Variants in ZNF134 observed in about 807,000 individuals in gnomAD.
ZNF134 encodes zinc finger protein 134 (clone pHZ-15).
In ZNF134, 5 loss-of-function variants were observed where a neutral mutation model predicts 2.5. The observed-to-expected ratio is 2.03, with a 90% CI of 1.06 to 4.27. The LOEUF (loss-of-function observed/expected upper bound fraction) is 4.27. Ranked by LOEUF, ZNF134 falls within the 30% of genes most tolerant of loss-of-function variation. ZNF134 has a pLI of 0.00. For synonymous variants in ZNF134, 176 were observed against 176.2 expected, an observed-to-expected ratio of 1.00 and a Z score of 0.01; for missense variants, 540 against 517.5, an observed-to-expected ratio of 1.04 and a Z score of -0.42.
Position 57,621,876 on chromosome 19 carries a change from C to A in ZNF134, c.*473C>A. ...TCACCTGGCCTGGGAAAGTACTTGCCTCATGTTGCTCTGGTTTGTGATAAT... is the reference window on the plus strand; with the variant it reads ...TCACCTGGCCTGGGAAAGTACTTGCATCATGTTGCTCTGGTTTGTGATAAT... On this transcript the variant is annotated 3_prime_UTR_variant, in exon 3 of 3. Coordinates refer to ENST00000396161, the MANE Select transcript of ZNF134 (RefSeq NM_003435.5). The A allele has an allele frequency of 7.1e-6, 2 of 281,328 alleles. No homozygotes were observed. Among genetic ancestry groups the A allele is most frequent in the South Asian group, 7.6e-5 (2 of 26,266 alleles). 17.4% of individuals were successfully genotyped at this position (281,328 alleles called of 1,614,324 possible).
chr19:57,620,982 A>T lies in ZNF134; in HGVS notation c.863A>T (p.Tyr288Phe). The T allele has an allele frequency of 6.2e-7, 1 of 1,614,260 alleles. No individual in the cohort carries two copies. Among genetic ancestry groups the T allele is most frequent in the Non-Finnish European group, 8.5e-7 (1 of 1,180,052 alleles). Reference sequence around the variant, plus strand: ...AGAGTTCACAATGGAGCAAGGCCTTATAAGTGCAGTGATTGTGGGAAAGTC... The same window carrying T: ...AGAGTTCACAATGGAGCAAGGCCTTTTAAGTGCAGTGATTGTGGGAAAGTC... ...HQRVHNGARP[Y>F]KCSDCGKVFR... is the part of the protein sequence containing the mutation. Residue 288 changes from tyrosine (Y) to phenylalanine (F), a missense_variant, in exon 3 of 3, where the codon TAT becomes TTT. By Grantham distance (22) the Tyr-to-Phe change is conservative. Transcript: ENST00000396161.
At chr19:57,615,662 CA>C (rs1158556015) in intron 1 of ZNF134, among the ~76,000 whole-genome samples, 20 of 152,200 alleles carry the variant, frequency 1.3e-4, no homozygotes, top group Non-Finnish European at 1.5e-5. Flanking sequence ...GTCACTCCCC[CA>C]TGGGCTGGGG....
chr19:57,621,051 C>T lies in ZNF134; in HGVS notation c.932C>T (p.Thr311Ile). 1.2e-6 allele frequency: 2 copies of T among 1,614,196 alleles called. No individual in the cohort carries two copies. The highest frequency in any genetic ancestry group is 1.7e-6 in the Non-Finnish European group (2 of 1,180,026). The change falls in exon 3 of 3, where the codon ACT becomes ATT. Residue 311 changes from threonine (T) to isoleucine (I), a missense_variant. Coordinates refer to ENST00000396161, the MANE Select transcript of ZNF134 (RefSeq NM_003435.5). ...CTTGTTCAGCATGAGAGTATTCACA[C>T]TGGAGAAAATCCTTATGATTGCAGT... is the stretch of plus-strand genomic sequence containing the variant. ...STLVQHESIHTGENPYDCSDC... is the reference protein window; with the variant it reads ...STLVQHESIHIGENPYDCSDC...
At position 57,622,448 on chromosome 19, in the gene ZNF134, C is replaced by G. The variant is rs1419986443; in HGVS notation, c.*1045C>G. The G allele has an allele frequency of 2.6e-5, 4 of 152,044 alleles. No individual in the cohort carries two copies. The highest frequency in any genetic ancestry group is 9.7e-5 in the African/African-American group (4 of 41,342). 9.4% of individuals were successfully genotyped at this position (152,044 alleles called of 1,614,324 possible). A position where few individuals can be genotyped will look rare whatever the true frequency, so the allele number is the denominator to read the frequency against. The stretch of plus-strand genomic sequence containing the variant: ...TTGTGGCAAACTAGAGGGGAAGTGC[C>G]CATTGTAAAAACACATCCACAGACA... On this transcript the variant is annotated 3_prime_UTR_variant, in exon 3 of 3. Transcript: ENST00000396161.
rs1330217720 is a variant in ZNF134 at position 57,623,271 on chromosome 19, G to T, written c.*1868G>T. ...TTTTAAAATTACTGAGTCATATTCT[G>T]TATGGATATACCACAGTTTATCCAT... On this transcript the variant is annotated 3_prime_UTR_variant, in exon 3 of 3. Transcript: ENST00000396161. 6.6e-6 allele frequency: 1 copy of T among 152,094 alleles called. No homozygotes were observed. The allele number at this position is 152,094 out of a possible 1,614,324, so 9.4% of individuals were successfully genotyped here. A position where few individuals can be genotyped will look rare whatever the true frequency, so the allele number is the denominator to read the frequency against.
chr19:57,615,053 A>T (rs566726742), intron 1 of ZNF134, among the ~76,000 whole-genome samples: 7 of 152,146 alleles, frequency 4.6e-5, no homozygotes, highest in African/African-American at 1.7e-4. Flanking sequence ...TGTGGTCGTG[A>T]GTGAATGTAG....
chr19:57,617,456 A>AT (rs1218886981), intron 1 of ZNF134, among the ~76,000 whole-genome samples: 2 of 152,176 alleles, frequency 1.3e-5, no homozygotes, highest in Admixed American at 6.5e-5. Context: ...AAGACCCTGG[A>AT]TTTTTTAGTC....
intron 1 of ZNF134, 66 bp from the exon 2 acceptor site, chr19:57,619,346 G>C (rs573503545): frequency 7.9e-7 from 1 of 1,258,928 alleles, no homozygotes; most frequent in South Asian, 1.3e-5. Flanking sequence ...AATTTTGCAT[G>C]GGTGGGCTAC....
Position 57,621,356 on chromosome 19 carries a change from T to G in ZNF134, c.1237T>G (p.Ser413Ala). ...ATGTGGGAAGGCCTACAGCTTAAGC[T>G]CCCACCTCAATCGGCACCAGAAAGT... ...SECGKAYSLS[S>A]HLNRHQKVHT... The change falls in exon 3 of 3, where the codon TCC (serine) becomes GCC (alanine). Residue 413 changes from serine (S) to alanine (A), a missense_variant. Ser to Ala is a moderately conservative substitution (Grantham distance 99). Transcript: ENST00000396161. 1.2e-6 allele frequency: 2 copies of G among 1,613,956 alleles called. No homozygotes were observed. The highest frequency in any genetic ancestry group is 1.7e-6 in the Non-Finnish European group (2 of 1,180,004).
chr19:57,620,091 A>G, intron 2 of ZNF134, 69 bp from the exon 3 acceptor site: 12 of 1,548,768 alleles, frequency 7.7e-6, no homozygotes, highest in South Asian at 1.2e-5. Flanking sequence ...CAGCAGACAC[A>G]TATTTGTGAT....
chr19:57,615,516 A>G (rs905347924), intron 1 of ZNF134, among the ~76,000 whole-genome samples: 4 of 151,964 alleles, frequency 2.6e-5, no homozygotes, highest in African/African-American at 9.7e-5. Flanking sequence ...ACCAGCACTC[A>G]GGCAAAAGTT....
chr19:57,617,645 C>T (rs1568629620), intron 1 of ZNF134, among the ~76,000 whole-genome samples: 1 of 152,092 alleles, frequency 6.6e-6, no homozygotes, highest in Non-Finnish European at 1.5e-5. Flanking sequence ...AGAAGGGATT[C>T]AGGTTGGAGC....
chr19:57,619,414 C>T lies in ZNF134; in HGVS notation c.-55C>T. Reference sequence around the variant, plus strand: ...CCCCTATGCTTTGTATCTTCCAGATCCTCTGTGGTTGTTGAATTGTAACAA... The same window carrying T: ...CCCCTATGCTTTGTATCTTCCAGATTCTCTGTGGTTGTTGAATTGTAACAA... On this transcript the variant is annotated splice_region_variant and 5_prime_UTR_variant, in exon 2 of 3. Transcript: ENST00000396161. 6.4e-7 allele frequency: 1 copy of T among 1,570,308 alleles called. No individual in the cohort carries two copies. Among genetic ancestry groups the T allele is most frequent in the Non-Finnish European group, 8.7e-7 (1 of 1,155,804 alleles).
chr19:57,620,541 T>TC lies in ZNF134; in HGVS notation c.424dup (p.Gln142ProfsTer15). 1 of 1,614,142 alleles carries TC rather than the reference T, an allele frequency of 6.2e-7. No individual in the cohort carries two copies. Among genetic ancestry groups the TC allele is most frequent in the Non-Finnish European group, 8.5e-7 (1 of 1,180,034 alleles). ...ACGTGTAAGGAGGAGCAGAAAAACT[T>TC]CCAGGCTACTTTGGGTGGCTGCCAA... On this transcript the variant is annotated frameshift_variant, in exon 3 of 3. Transcript: ENST00000396161. LOFTEE classifies it low-confidence loss of function (END_TRUNC).
At chr19:57,619,561 C>T (rs773013040) in intron 2 of ZNF134, 53 bp downstream of exon 2, 90 of 1,537,042 alleles carry the variant, frequency 5.9e-5, no homozygotes, top group Admixed American at 8.5e-5. Context: ...CCTGTAGTTC[C>T]GGAAACCTAT....
intron 1 of ZNF134, among the ~76,000 whole-genome samples, chr19:57,615,669 T>C (rs1981032677): frequency 6.6e-6 from 1 of 152,188 alleles, no homozygotes; most frequent in Admixed American, 6.5e-5. Flanking sequence ...CCCCATGGGC[T>C]GGGGTCGGAC....
intron 1 of ZNF134, 85 bp downstream of exon 1, chr19:57,614,588 A>G: frequency 3.0e-6 from 1 of 338,902 alleles, no homozygotes. Flanking sequence ...CCTGCAGCGC[A>G]GGCCCCAGTG....
rs1353598516 is a variant in ZNF134, at chr19:57,622,095, T to TA, written c.*692_*693insA. 1 of 158,420 alleles carries TA rather than the reference T, an allele frequency of 6.3e-6. No homozygotes were observed. The highest frequency in any genetic ancestry group is 1.4e-5 in the Non-Finnish European group (1 of 71,302). The allele number at this position is 158,420 out of a possible 1,614,324, so 9.8% of individuals were successfully genotyped here. A position where few individuals can be genotyped will look rare whatever the true frequency, so the allele number is the denominator to read the frequency against. ...TGTTAACTTCCATAGCTGACAAAGC[T>TA]TGTTAAGTAAGAATTAAGATCTTGT... On this transcript the variant is annotated 3_prime_UTR_variant, in exon 3 of 3. Coordinates refer to ENST00000396161, the MANE Select transcript of ZNF134 (RefSeq NM_003435.5).
chr19:57,614,243 C>G lies in ZNF134; in HGVS notation c.-318C>G, dbSNP rs1171634352. 2.4e-6 allele frequency: 1 copy of G among 417,250 alleles called. No homozygotes were observed. The highest frequency in any genetic ancestry group is 1.7e-5 in the South Asian group (1 of 60,204). 25.8% of individuals were successfully genotyped at this position (417,250 alleles called of 1,614,324 possible). A position where few individuals can be genotyped will look rare whatever the true frequency, so the allele number is the denominator to read the frequency against. On this transcript the variant is annotated 5_prime_UTR_variant, in exon 1 of 3. Transcript: ENST00000396161. ...GGCGGGACTTCCGGTATCTTCCTCG[C>G]GGTGGACATCTTGTCGGCTCTTAGG...
Sources: gnomAD v4.1 joint callset for allele counts (sites outside exome capture counted in the v4.1 genomes callset) on GRCh38, gnomAD v4.1.1 for gene constraint, MANE v1.5 for transcripts, NCBI Gene and HGNC (gene_info 2026-07-23, HGNC 2026-07-21) for gene names.